The following RBM4 variants were observed in gnomAD, a reference collection of about 807,000 sequenced individuals.
RBM4 encodes the protein RNA binding motif protein 4.
RBM4 carries 7 observed loss-of-function variants against 29.5 expected under a neutral mutation model. The observed-to-expected ratio is 0.24, with a 90% CI of 0.14 to 0.45. The LOEUF (loss-of-function observed/expected upper bound fraction) is 0.45, where lower values mean the gene tolerates loss of function less well. Among genes scored for constraint, RBM4 ranks in the 20% least tolerant of loss-of-function variants. The pLI is 1.00. For missense variants in RBM4, 387 were observed against 502.3 expected, an observed-to-expected ratio of 0.77 and a Z score of 2.19; for synonymous variants, 220 against 205.4, an observed-to-expected ratio of 1.07 and a Z score of -0.61.
At chr11:66,665,384 G>GA in intron 2 of RBM4, 2 of 616,104 alleles carry the variant, frequency 3.2e-6, no homozygotes, top group Non-Finnish European at 5.8e-6. Flanking sequence ...GGAACAGAGT[G>GA]AAAGGCTACA....
chr11:66,640,256 T>TG, intron 2 of RBM4, 133 bp downstream of exon 2: 1 of 1,221,688 alleles, frequency 8.2e-7, no homozygotes, highest in Non-Finnish European at 1.2e-6. Context: ...GTGTGGGTGA[T>TG]GGACTTCTTA....
intron 2 of RBM4, among the ~76,000 whole-genome samples, chr11:66,660,636 C>T (rs1364017500): frequency 6.7e-6 from 1 of 149,196 alleles, no homozygotes; most frequent in Non-Finnish European, 1.5e-5. Flanking sequence ...TAGGCCACTG[C>T]ACCCGACCTA....
downstream of RBM4, among the ~76,000 whole-genome samples, chr11:66,651,257 A>G (rs1938825683): frequency 6.6e-6 from 1 of 152,188 alleles, no homozygotes; most frequent in Admixed American, 6.5e-5. Context: ...AGGTAAAGGA[A>G]ATTCCCAGGA....
chr11:66,646,302 G>T lies in RBM4; in HGVS notation c.*284G>T. 7.4e-7 allele frequency: 1 copy of T among 1,344,380 alleles called. No individual in the cohort carries two copies. Among genetic ancestry groups the T allele is most frequent in the Non-Finnish European group, 9.6e-7 (1 of 1,044,990 alleles). The allele number at this position is 1,344,380 out of a possible 1,614,324, so 83.3% of individuals were successfully genotyped here. A position where few individuals can be genotyped will look rare whatever the true frequency, so the allele number is the denominator to read the frequency against. On this transcript the variant is annotated 3_prime_UTR_variant, in exon 4 of 4. Transcript: ENST00000310092. ...TCATTGTGTGCAGAAACTGTGGTGGGGGCTGTGCTGTCTCCTCCCTGCCTC... is the reference window on the plus strand; with the variant it reads ...TCATTGTGTGCAGAAACTGTGGTGGTGGCTGTGCTGTCTCCTCCCTGCCTC...
chr11:66,649,775 G>A (rs1265543202), downstream of RBM4: 2 of 701,644 alleles, frequency 2.9e-6, no homozygotes, highest in Admixed American at 2.0e-5. Flanking sequence ...GTGGTGGCAT[G>A]ATTGTAGCTC....
chr11:66,650,396 C>T (rs1938798287), downstream of RBM4, among the ~76,000 whole-genome samples: 1 of 152,038 alleles, frequency 6.6e-6, no homozygotes, highest in Non-Finnish European at 1.5e-5. Flanking sequence ...ATGGGGAAAC[C>T]CCATCTCTAC....
intron 3 of RBM4, 150 bp downstream of exon 3, chr11:66,644,290 C>A (rs1253394244): frequency 1.8e-6 from 2 of 1,118,396 alleles, no homozygotes; most frequent in East Asian, 5.2e-5. Context: ...GAAGTCCTAA[C>A]TGCTTAACTT....
downstream of RBM4, among the ~76,000 whole-genome samples, chr11:66,648,121 G>T (rs1006728789): frequency 1.3e-5 from 2 of 151,914 alleles, no homozygotes; most frequent in African/African-American, 4.8e-5. Flanking sequence ...CAGGAGAATC[G>T]CTTGAACCCA....
At chr11:66,665,754 G>C in intron 2 of RBM4, 2 of 1,294,368 alleles carry the variant, frequency 1.5e-6, no homozygotes, top group Non-Finnish European at 2.1e-6. Flanking sequence ...TCTATCAATA[G>C]CTATATATAG....
Position 66,643,993 on chromosome 11 carries a change from C to T in RBM4, c.956C>T (p.Pro319Leu). 1.9e-6 allele frequency: 3 copies of T among 1,613,492 alleles called. No individual in the cohort carries two copies. The highest frequency in any genetic ancestry group is 1.1e-5 in the South Asian group (1 of 91,082). ...CTGCGTCGCGCTACAGCCCCAGTCCCCACTGTTGGAGAGGGCTACGGTTAC... is the reference window on the plus strand; with the variant it reads ...CTGCGTCGCGCTACAGCCCCAGTCCTCACTGTTGGAGAGGGCTACGGTTAC... ...SPLRRATAPV[P>L]TVGEGYGYGH... Residue 319 changes from proline (P) to leucine (L), a missense_variant, in exon 3 of 4, where the codon CCC (proline) becomes CTC (leucine). Pro to Leu is a moderately conservative substitution (Grantham distance 98, BLOSUM62 -3). This residue lies in a region of RBM4 where 281 missense variants were observed against 288.7 expected (regional missense o/e 0.97). Coordinates refer to ENST00000310092, the MANE Select transcript of RBM4 (RefSeq NM_002896.4). This position sits in a 1 kb window ranked among gnomAD's most constrained non-coding sequence, Gnocchi z 6.1.
chr11:66,656,812 C>T (rs1165307939), intron 2 of RBM4, among the ~76,000 whole-genome samples: 2 of 151,964 alleles, frequency 1.3e-5, no homozygotes, highest in Non-Finnish European at 2.9e-5. Flanking sequence ...AGATGCATGC[C>T]ACCATGTCCA....
chr11:66,648,326 G>T (rs1938752646), downstream of RBM4, among the ~76,000 whole-genome samples: 1 of 152,082 alleles, frequency 6.6e-6, no homozygotes, highest in African/African-American at 2.4e-5. Context: ...TTCAAGACCA[G>T]CCTGGGCAAC....
exon 3 of RBM4, chr11:66,666,346 G>A (rs1036768427): frequency 4.9e-6 from 5 of 1,011,250 alleles, no homozygotes; most frequent in Non-Finnish European, 5.9e-6. Flanking sequence ...TTCAAAAGTT[G>A]TGACGTTCTT....
At chr11:66,654,503 A>C (rs1446822113) in intron 2 of RBM4, among the ~76,000 whole-genome samples, 1 of 151,822 alleles carries the variant, frequency 6.6e-6, no homozygotes, top group Non-Finnish European at 1.5e-5. Context: ...CTCAAAAAAA[A>C]AATTTTTTTT....
chr11:66,653,757 G>T (rs1315948607), intron 2 of RBM4, among the ~76,000 whole-genome samples: 1 of 151,670 alleles, frequency 6.6e-6, no homozygotes, highest in Non-Finnish European at 1.5e-5. Context: ...TCAACAGCAG[G>T]CTACTAAGTT....
chr11:66,661,917 C>T (rs1939091074), intron 2 of RBM4, among the ~76,000 whole-genome samples: 1 of 152,126 alleles, frequency 6.6e-6, no homozygotes, highest in Non-Finnish European at 1.5e-5. Context: ...GTGATCCCAG[C>T]TACTGGGGAG....
downstream of RBM4, among the ~76,000 whole-genome samples, chr11:66,646,756 C>T (rs979885743): frequency 5.3e-5 from 8 of 152,148 alleles, no homozygotes; most frequent in Non-Finnish European, 8.8e-5. Flanking sequence ...GAAACAGTCA[C>T]CACCTTCCCT....
chr11:66,640,861 A>G (rs1254949542), intron 2 of RBM4: 1 of 152,232 alleles, frequency 6.6e-6, no homozygotes. Flanking sequence ...CATGGGTGAT[A>G]TGTGGATTGT....
intron 2 of RBM4, among the ~76,000 whole-genome samples, chr11:66,642,410 A>G (rs1938507816): frequency 6.6e-6 from 1 of 152,204 alleles, no homozygotes; most frequent in African/African-American, 2.4e-5. Context: ...TGTTAGGTAG[A>G]AATTGCTTCT....
Sources: allele counts gnomAD v4.1 joint callset (sites outside exome capture counted in the v4.1 genomes callset), GRCh38; gene constraint gnomAD v4.1.1; regional missense constraint gnomAD v4.1.1; non-coding constraint Gnocchi (gnomAD v3.1); transcripts MANE v1.5; gene names NCBI Gene and HGNC (gene_info 2026-07-23, HGNC 2026-07-21).